The following ZBBX variants were observed in gnomAD, a reference collection of about 807,000 sequenced individuals.
ZBBX encodes zinc finger B-box domain containing, also known as zinc finger B-box domain-containing protein 1.
ZBBX carries 101 observed loss-of-function variants against 108.5 expected under a neutral mutation model. The ratio of observed to expected loss-of-function variants is 0.93; its 90% confidence interval spans 0.79 to 1.10. The LOEUF is 1.10. ZBBX is among the 50% of genes least tolerant of loss of function. ZBBX has a pLI of 0.00. For synonymous variants in ZBBX, 356 were observed against 323.4 expected, an observed-to-expected ratio of 1.10 and a Z score of -1.08; for missense variants, 1,009 against 941.4, an observed-to-expected ratio of 1.07 and a Z score of -0.94.
chr3:167,228,160 A>G, the ZBBX span, among the ~76,000 whole-genome samples: 4 of 151,844 alleles, frequency 2.6e-5, no homozygotes, highest in Non-Finnish European at 1.5e-5. Flanking sequence ...TCAGCTTCCT[A>G]TGAGTGGATA....
chr3:167,373,982 A>G (rs1051057877), intron 2 of ZBBX, among the ~76,000 whole-genome samples, 195 bp from the exon 3 acceptor site: 4 of 152,240 alleles, frequency 2.6e-5, no homozygotes, highest in African/African-American at 9.6e-5. Context: ...TGAAGGATAC[A>G]TTCATTAAAA....
At chr3:167,186,763 A>G in the ZBBX span, among the ~76,000 whole-genome samples, 2 of 152,334 alleles carry the variant, frequency 1.3e-5, 1 homozygote, top group South Asian at 4.1e-4. Context: ...AAGATTTAAA[A>G]AGAAATACTC....
intron 9 of ZBBX, among the ~76,000 whole-genome samples, chr3:167,348,283 G>GAAGGAAGGAAGT (rs1238170017): frequency 1.5e-5 from 2 of 131,126 alleles, no homozygotes; most frequent in Non-Finnish European, 3.2e-5. Context: ...AGGAAGGAAG[G>GAAGGAAGGAAGT]AAGGAAGGAA....
chr3:167,186,142 G>C, the ZBBX span, among the ~76,000 whole-genome samples: 7 of 151,724 alleles, frequency 4.6e-5, no homozygotes, highest in South Asian at 1.5e-3. Flanking sequence ...AGATAAAAAT[G>C]GTATATATAA....
the ZBBX span, among the ~76,000 whole-genome samples, chr3:167,224,763 TTG>T: frequency 6.6e-6 from 1 of 152,002 alleles, no homozygotes; most frequent in East Asian, 1.9e-4. Context: ...AGTTTGTCCA[TTG>T]TTACAAAAAA....
At chr3:167,211,487 C>T in the ZBBX span, among the ~76,000 whole-genome samples, 12 of 152,276 alleles carry the variant, frequency 7.9e-5, no homozygotes, top group South Asian at 2.1e-3. Context: ...CCTACAGGCC[C>T]CACTTCCATA....
the ZBBX span, among the ~76,000 whole-genome samples, chr3:167,209,970 G>T: frequency 6.6e-6 from 1 of 152,102 alleles, no homozygotes; most frequent in African/African-American, 2.4e-5. Context: ...TGTGCCTGTA[G>T]TCCCAACTAC....
chr3:167,293,220 T>C (rs1731026840), intron 18 of ZBBX, among the ~76,000 whole-genome samples: 1 of 152,174 alleles, frequency 6.6e-6, no homozygotes, highest in African/African-American at 2.4e-5. Flanking sequence ...ATCATCCTGA[T>C]ACCAAAACCT....
intron 12 of ZBBX, 47 bp downstream of exon 12, chr3:167,322,070 T>C: frequency 1.8e-6 from 2 of 1,089,222 alleles, no homozygotes; most frequent in Non-Finnish European, 2.5e-6. Flanking sequence ...GAAAGAAACA[T>C]AAATAACTTT....
chr3:167,243,721 C>A (rs1461806330), intron 20 of ZBBX, among the ~76,000 whole-genome samples: 1 of 147,072 alleles, frequency 6.8e-6, no homozygotes, highest in East Asian at 2.0e-4. Context: ...CAAACATCAA[C>A]ATACATGTGT....
At chr3:167,266,822 G>A (rs1374556690) in intron 20 of ZBBX, among the ~76,000 whole-genome samples, 2 of 152,146 alleles carry the variant, frequency 1.3e-5, no homozygotes, top group East Asian at 1.9e-4. Context: ...TTGGTGGCTC[G>A]TATGGGGAGC....
Position 167,317,567 on chromosome 3 carries a change from T to G in ZBBX, c.1014A>C (p.Leu338=). 6.2e-7 allele frequency: 1 copy of G among 1,610,722 alleles called. No homozygotes were observed. The highest frequency in any genetic ancestry group is 8.5e-7 in the Non-Finnish European group (1 of 1,178,208). The change falls in exon 13 of 22, where the codon CTA becomes CTC. Residue 338 remains leucine, a synonymous_variant. Transcript: ENST00000675490. ...CATGTGGATGTGGGAACGTATCTGGTAGCATTTTAAAAAGTTGCTCTTGTG... is the reference window on the plus strand; with the variant it reads ...CATGTGGATGTGGGAACGTATCTGGGAGCATTTTAAAAAGTTGCTCTTGTG... ...RTPQEQLFKM[L]PDTFPHPHET...
At chr3:167,255,423 A>C (rs1476050521) in intron 20 of ZBBX, among the ~76,000 whole-genome samples, 1 of 152,116 alleles carries the variant, frequency 6.6e-6, no homozygotes, top group African/African-American at 2.4e-5. Flanking sequence ...CTAAACATTT[A>C]ATCCATATTG....
chr3:167,368,136 A>C (rs907457281), intron 5 of ZBBX, among the ~76,000 whole-genome samples: 14 of 151,474 alleles, frequency 9.2e-5, no homozygotes, highest in Non-Finnish European at 7.4e-5. Context: ...TTCTGAGAGC[A>C]AAAGGTAAAG....
chr3:167,217,723 C>T, the ZBBX span, among the ~76,000 whole-genome samples: 3 of 152,000 alleles, frequency 2.0e-5, no homozygotes, highest in East Asian at 1.9e-4. Flanking sequence ...AAATGCCCAT[C>T]GATGTCACAG....
chr3:167,191,846 C>T, the ZBBX span, among the ~76,000 whole-genome samples: 560 of 133,954 alleles, frequency 4.2e-3, 2 homozygotes, highest in African/African-American at 0.015. Flanking sequence ...TGTTCCTTTT[C>T]ATTTTAGTGA....
rs937807945 is a variant in ZBBX, at chr3:167,245,180, G to A, written c.2255-2537C>T. The stretch of plus-strand genomic sequence containing the variant: ...TGTAATCCCAGCACTTTGGGAGGCC[G>A]AGGCGGGCGGATCACGAGGTCAGGA... On this transcript the variant is annotated intron_variant, in intron 20 of 21. Coordinates refer to ENST00000675490, the MANE Select transcript of ZBBX (RefSeq NM_001199201.2). Among the ~76,000 whole-genome samples, 4 of 152,178 alleles carry A rather than the reference G, an allele frequency of 2.6e-5. No individual in the cohort carries two copies. The East Asian group carries it at 5.8e-4, about 22-fold the overall frequency.
the ZBBX span, among the ~76,000 whole-genome samples, chr3:167,201,813 T>C: frequency 1.3e-5 from 2 of 152,106 alleles, no homozygotes; most frequent in African/African-American, 4.8e-5. Context: ...TACAGATACA[T>C]TGCCTGACGG....
the ZBBX span, among the ~76,000 whole-genome samples, chr3:167,193,168 C>CT: frequency 6.6e-6 from 1 of 152,084 alleles, no homozygotes; most frequent in South Asian, 2.1e-4. Flanking sequence ...TTTCTTTTTT[C>CT]CCCACTAGGT....
Sources: gnomAD v4.1 joint callset for allele counts (sites outside exome capture counted in the v4.1 genomes callset) on GRCh38, gnomAD v4.1.1 for gene constraint, MANE v1.5 for transcripts, NCBI Gene and HGNC (gene_info 2026-07-23, HGNC 2026-07-21) for gene names.